KLC4: variants seen among roughly 807,000 people sequenced by gnomAD.
KLC4 encodes the protein kinesin light chain 4, also known as kinesin-like protein 8.
In KLC4, 49 loss-of-function variants were observed where a neutral mutation model predicts 77.2. That is an observed-to-expected ratio of 0.63 (90% CI 0.50 to 0.80). KLC4 has a LOEUF of 0.80. KLC4 is among the 30% of genes least tolerant of loss of function. The pLI, the probability that KLC4 is intolerant of heterozygous loss-of-function variation, is 0.00. For missense variants in KLC4, 669 were observed against 793.5 expected (o/e 0.84, Z 1.89); for synonymous variants, 274 against 314.5 (o/e 0.87, Z 1.36).
intron 8 of KLC4, 66 bp from the exon 9 acceptor site, chr6:43,071,209 A>AC: frequency 1.1e-6 from 1 of 946,078 alleles, no homozygotes; most frequent in Non-Finnish European, 1.6e-6. Flanking sequence ...CTAAAAAAAA[A>AC]AAAAAAAAAA....
At chr6:43,067,286 A>G in intron 6 of KLC4, 1 of 1,240,234 alleles carries the variant, frequency 8.1e-7, no homozygotes, top group African/African-American at 1.5e-5. Flanking sequence ...TCCTTTTTAT[A>G]ACAAATATTT....
At chr6:43,068,473 A>T (rs1244637829) in intron 6 of KLC4, among the ~76,000 whole-genome samples, 1 of 145,486 alleles carries the variant, frequency 6.9e-6, no homozygotes, top group Non-Finnish European at 1.5e-5. Context: ...ACTCTGTCTC[A>T]AAAAAAAAGA....
Position 43,063,519 on chromosome 6 carries a change from A to G in KLC4, c.489+372A>G, listed in dbSNP as rs189582852. The stretch of plus-strand genomic sequence containing the variant: ...TAGGGAAAGCATAACCCAGTTGAGC[A>G]TGACCCTCCTAAAATTTGCTTTCAA... On this transcript the variant is annotated intron_variant, in intron 3 of 15. Coordinates refer to ENST00000347162, the MANE Select transcript of KLC4 (RefSeq NM_201521.3). Among the ~76,000 whole-genome samples, 161 of 152,054 alleles carry G rather than the reference A, an allele frequency of 1.1e-3. 2 individuals carry two copies. Among genetic ancestry groups the G allele is most frequent in the Admixed American group, 9.2e-3 (141 of 15,268 alleles).
intron 6 of KLC4, chr6:43,067,501 G>C (rs1561915978): frequency 5.9e-6 from 1 of 168,248 alleles, no homozygotes; most frequent in East Asian, 1.6e-4. Context: ...TAGCAAAGTG[G>C]CCTGGGCACA....
At chr6:43,066,833 GGTATGA>G (rs1019925250) in intron 5 of KLC4, among the ~76,000 whole-genome samples, 157 bp from the exon 6 acceptor site, 1 of 152,104 alleles carries the variant, frequency 6.6e-6, no homozygotes, top group Admixed American at 6.5e-5. Flanking sequence ...CCTGCATTCT[GGTATGA>G]GTATGTCAGT....
chr6:43,063,039 G>A lies in KLC4; in HGVS notation c.381G>A (p.Gln127=), dbSNP rs200464599. 5 of 1,614,244 alleles carry A rather than the reference G, an allele frequency of 3.1e-6. No individual in the cohort carries two copies. The Admixed American group carries it at 8.3e-5, about 27-fold the overall frequency. Residue 127 remains glutamine (Q), a synonymous_variant, in exon 3 of 16, where the codon CAG becomes CAA. Transcript: ENST00000347162. ...QWLRDELAGT[Q]QRLQRSEQAV... ...TGCGGGATGAGCTGGCTGGCACCCA[G>A]CAGCGGCTACAGCGCAGTGAACAGG...
At chr6:43,074,464 G>A (rs1256477160) in intron 15 of KLC4, 158 bp from the exon 16 acceptor site, 4 of 673,740 alleles carry the variant, frequency 5.9e-6, no homozygotes, top group Non-Finnish European at 1.0e-5. Context: ...CCCTAGCAGA[G>A]GCTAAACAAA....
chr6:43,071,760 C>G, intron 10 of KLC4, 92 bp from the exon 11 acceptor site: 1 of 1,490,784 alleles, frequency 6.7e-7, no homozygotes, highest in Non-Finnish European at 9.2e-7. Flanking sequence ...CCAGCCTGCA[C>G]CCTAGCCCCA....
rs767843628 is a variant in KLC4, at chr6:43,065,634, C to T, written c.504C>T (p.Gly168=). 1.9e-5 allele frequency: 31 copies of T among 1,613,338 alleles called. No individual in the cohort carries two copies. Among genetic ancestry groups the T allele is most frequent in the East Asian group, 4.5e-5 (2 of 44,894 alleles). The change falls in exon 4 of 16, where the codon GGC becomes GGT. Residue 168 remains glycine, a synonymous_variant. Transcript: ENST00000347162. ...TTCCCTTCCAGGAGGAGAAAGAAGG[C>T]GATGCCACCAAGGATTCCCTGGATG... ...EDGHTSEEKE[G]DATKDSLDDL... is the part of the protein sequence containing the mutation.
rs78282397 is a variant in KLC4 at position 43,071,392 on chromosome 6, G to C, written c.1255+18G>C. The C allele has an allele frequency of 3.3e-3, 5,292 of 1,592,002 alleles. 122 individuals are homozygous for C. In the African/African-American group the frequency reaches 0.056, roughly 17 times the overall value. On this transcript the variant is annotated intron_variant, in intron 9 of 15. Transcript: ENST00000347162. The stretch of plus-strand genomic sequence containing the variant: ...TGTGGATGGTGAGTGGTGAGGGCCT[G>C]GGGAAGGGGCTGTGGGGAAGAAAAG...
chr6:43,073,900 A>G lies in KLC4; in HGVS notation c.1746-2A>G, dbSNP rs1228850791. The G allele has an allele frequency of 6.2e-7, 1 of 1,613,972 alleles. No homozygotes were observed. Among genetic ancestry groups the G allele is most frequent in the African/African-American group, 1.3e-5 (1 of 74,918 alleles). ...CCTCAATTCTTCCGTTTTCCATTGT[A>G]GCAGCAACATGAAGCGAGCAGCCTC... On this transcript the variant is annotated splice_acceptor_variant, in intron 14 of 15. Coordinates refer to ENST00000347162, the MANE Select transcript of KLC4 (RefSeq NM_201521.3). LOFTEE classifies it high-confidence loss of function.
At chr6:43,068,699 C>A (rs1176110234) in intron 6 of KLC4, among the ~76,000 whole-genome samples, 1 of 151,544 alleles carries the variant, frequency 6.6e-6, no homozygotes, top group African/African-American at 2.4e-5. Flanking sequence ...GTAATCCCAA[C>A]TATTTGGAGA....
intron 15 of KLC4, 173 bp from the exon 16 acceptor site, chr6:43,074,449 G>C (rs1441581915): frequency 3.2e-6 from 2 of 619,164 alleles, no homozygotes; most frequent in Non-Finnish European, 5.7e-6. Flanking sequence ...TGGCCTTCTG[G>C]AAAACCCTAG....
intron 1 of KLC4, chr6:43,060,977 C>T (rs1227241721): frequency 3.4e-6 from 1 of 293,858 alleles, no homozygotes; most frequent in Non-Finnish European, 6.5e-6. Flanking sequence ...AGTGCTGTCT[C>T]TCATCCCTTG....
At position 43,061,310 on chromosome 6, in the gene KLC4, G is replaced by T; in HGVS notation, c.-25-1G>T. ...AGCTGAACTCTGTTGTTTCTCCCTA[G>T]ACCGGGCAAGGTCCCCCAGGCCAGG... On this transcript the variant is annotated splice_acceptor_variant, in intron 1 of 15. Transcript: ENST00000347162. LOFTEE classifies it low-confidence loss of function (5UTR_SPLICE). 1 of 1,611,418 alleles carries T rather than the reference G, an allele frequency of 6.2e-7. No individual in the cohort carries two copies. The highest frequency in any genetic ancestry group is 1.1e-5 in the South Asian group (1 of 90,868).
chr6:43,073,570 C>G lies in KLC4; in HGVS notation c.1745+232C>G, dbSNP rs932137293. 1.7e-5 allele frequency: 9 copies of G among 533,424 alleles called. No homozygotes were observed. In the East Asian group the frequency reaches 2.6e-4, roughly 15 times the overall value. 33.0% of individuals were successfully genotyped at this position (533,424 alleles called of 1,614,324 possible). ...GCTGAGGCAGGAGAATTGCTGGAAC[C>G]CAGGAGGCAGAGGTTGCAGGGAGCC... is the stretch of plus-strand genomic sequence containing the variant. On this transcript the variant is annotated intron_variant, in intron 14 of 15. Transcript: ENST00000347162.
intron 1 of KLC4, among the ~76,000 whole-genome samples, chr6:43,060,886 C>T (rs564926993): frequency 3.9e-5 from 6 of 152,222 alleles, no homozygotes; most frequent in Non-Finnish European, 8.8e-5. Flanking sequence ...TTTTTCTAGA[C>T]CCCTGCATTA....
chr6:43,063,194 T>C (rs1160913819), intron 3 of KLC4, 47 bp downstream of exon 3: 1 of 1,455,906 alleles, frequency 6.9e-7, no homozygotes, highest in African/African-American at 1.4e-5. Context: ...CAGCCGGGAG[T>C]TACCACAGAC....
At chr6:43,066,951 G>A in intron 5 of KLC4, 45 bp from the exon 6 acceptor site, 1 of 1,586,582 alleles carries the variant, frequency 6.3e-7, no homozygotes, top group South Asian at 1.1e-5. Context: ...GAAGGAGAAG[G>A]CTTGCGGGTT....
Sources: allele counts gnomAD v4.1 joint callset (sites outside exome capture counted in the v4.1 genomes callset), GRCh38; gene constraint gnomAD v4.1.1; transcripts MANE v1.5; gene names NCBI Gene and HGNC (gene_info 2026-07-23, HGNC 2026-07-21).